TXK: variants seen among roughly 807,000 people sequenced by gnomAD.
TXK encodes the protein tyrosine-protein kinase TXK.
A neutral mutation model predicts 81.0 loss-of-function variants in TXK; 60 were observed. That is an observed-to-expected ratio of 0.74 (90% confidence interval 0.60 to 0.92). The LOEUF (loss-of-function observed/expected upper bound fraction) is 0.92. Ranked by LOEUF, TXK falls within the 40% of genes least tolerant of loss-of-function variation. The pLI, the probability that TXK is intolerant of heterozygous loss-of-function variation, is 0.00. For missense variants in TXK, 581 were observed against 638.3 expected, an observed-to-expected ratio of 0.91 and a Z score of 0.97; for synonymous variants, 203 against 210.7, an observed-to-expected ratio of 0.96 and a Z score of 0.32.
chr4:48,118,058 A>C (rs1718857198), intron 1 of TXK, among the ~76,000 whole-genome samples: 1 of 152,184 alleles, frequency 6.6e-6, no homozygotes, highest in Admixed American at 6.5e-5. Flanking sequence ...CCTTGTCACC[A>C]ATCTCCCAAT....
rs117874357 is a variant in TXK, at chr4:48,131,632, C to T, written c.16+2523G>A. ...AATTAACAGAAGCTGGAAAGGAGAACGAGATTTCATCAAATCCATGCCAGA... is the reference window on the plus strand; with the variant it reads ...AATTAACAGAAGCTGGAAAGGAGAATGAGATTTCATCAAATCCATGCCAGA... On this transcript the variant is annotated intron_variant, in intron 1 of 14. Coordinates refer to ENST00000264316, the MANE Select transcript of TXK (RefSeq NM_003328.3). Among the ~76,000 whole-genome samples, 631 of 152,260 alleles carry T rather than the reference C, an allele frequency of 4.1e-3. 11 individuals are homozygous for T. The East Asian group carries it at 0.048, about 12-fold the overall frequency.
At chr4:48,133,267 C>A (rs933410634) in intron 1 of TXK, among the ~76,000 whole-genome samples, 1 of 151,900 alleles carries the variant, frequency 6.6e-6, no homozygotes, top group Non-Finnish European at 1.5e-5. Flanking sequence ...TATAAGCATC[C>A]CCCACAGCTC....
intron 5 of TXK, among the ~76,000 whole-genome samples, chr4:48,105,547 G>A (rs73151628): frequency 0.036 from 5,422 of 152,130 alleles, 330 homozygotes; most frequent in African/African-American, 0.13. Flanking sequence ...TGGAAGTGGG[G>A]GTGAGAGTTG....
In TXK at chr4:48,113,253, G is replaced by T. The variant is rs1378866233; in HGVS notation, c.128C>A (p.Thr43Asn). 1.2e-6 allele frequency: 2 copies of T among 1,613,356 alleles called. No homozygotes were observed. Among genetic ancestry groups the T allele is most frequent in the African/African-American group, 2.7e-5 (2 of 74,870 alleles). The change falls in exon 3 of 15, where the codon ACC (threonine) becomes AAC (asparagine). Residue 43 changes from threonine (T) to asparagine (N), a missense_variant. Transcript: ENST00000264316. The stretch of plus-strand genomic sequence containing the variant: ...GCTGAGCCACGGCCTGCGACGCTGG[G>T]TGTATTTTTCTGGAAGCTCTTCATC... The part of the protein sequence containing the change: ...STDEELPEKY[T>N]QRRRPWLSQL...
At chr4:48,086,978 C>A (rs1186059707) in intron 9 of TXK, among the ~76,000 whole-genome samples, 3 of 112,530 alleles carry the variant, frequency 2.7e-5, no homozygotes. Context: ...TTTATGTTCC[C>A]AGTCTGGTTT....
At chr4:48,094,777 G>C (rs1003872) in intron 7 of TXK, among the ~76,000 whole-genome samples, 114,303 of 152,090 alleles carry the variant, frequency 0.75, 43,085 homozygotes, top group East Asian at 0.81. Flanking sequence ...GCCACGGGGC[G>C]CACAAGTTCC....
chr4:48,121,568 G>A (rs1023043744), intron 1 of TXK, among the ~76,000 whole-genome samples: 6 of 152,192 alleles, frequency 3.9e-5, no homozygotes, highest in Non-Finnish European at 8.8e-5. Context: ...ATATTTGCAT[G>A]TAACCTACAC....
chr4:48,075,658 AT>A (rs752707748), intron 12 of TXK, among the ~76,000 whole-genome samples: 5 of 152,102 alleles, frequency 3.3e-5, no homozygotes, highest in Non-Finnish European at 7.4e-5. Context: ...GAAAAAAAAA[AT>A]TGCCAGTTCT....
intron 1 of TXK, among the ~76,000 whole-genome samples, chr4:48,115,623 G>C (rs1170965074): frequency 6.6e-6 from 1 of 152,118 alleles, no homozygotes; most frequent in Non-Finnish European, 1.5e-5. Context: ...GAAGCAGGCA[G>C]ATCGCTTGAG....
chr4:48,089,798 C>A lies in TXK; in HGVS notation c.736G>T (p.Val246Phe), dbSNP rs1395672823. Residue 246 changes from valine to phenylalanine, a missense_variant, in exon 9 of 15, where the codon GTT becomes TTT. Val to Phe is a conservative substitution (Grantham distance 50). Coordinates refer to ENST00000264316, the MANE Select transcript of TXK (RefSeq NM_003328.3). ...GGTAAACAACTGCCCATCAGCCCAA[C>A]TGGATATCGGAGACGAGTCATGAGA... is the stretch of plus-strand genomic sequence containing the variant. ...AGLMTRLRYP[V>F]GLMGSCLPAT... is the part of the protein sequence containing the mutation. The A allele has an allele frequency of 2.5e-6, 4 of 1,613,604 alleles. No homozygotes were observed. Among genetic ancestry groups the A allele is most frequent in the Non-Finnish European group, 3.4e-6 (4 of 1,179,664 alleles).
intron 1 of TXK, among the ~76,000 whole-genome samples, chr4:48,133,370 T>G (rs1343605502): frequency 6.6e-6 from 1 of 152,224 alleles, no homozygotes; most frequent in Non-Finnish European, 1.5e-5. Context: ...TGGTCTTATA[T>G]TCTATAAAAA....
chr4:48,085,985 G>T (rs1250008281), intron 10 of TXK, among the ~76,000 whole-genome samples: 1 of 152,212 alleles, frequency 6.6e-6, no homozygotes, highest in Non-Finnish European at 1.5e-5. Context: ...TTCCACTGAG[G>T]TGGTTAACAC....
intron 6 of TXK, 43 bp downstream of exon 6, chr4:48,104,858 C>T: frequency 2.0e-6 from 3 of 1,490,906 alleles, no homozygotes; most frequent in Non-Finnish European, 2.8e-6. Context: ...TTTATAAGTA[C>T]TTCTCAGAGA....
intron 1 of TXK, among the ~76,000 whole-genome samples, chr4:48,119,017 GGAGT>G (rs1417219885): frequency 6.6e-6 from 1 of 152,216 alleles, no homozygotes; most frequent in African/African-American, 2.4e-5. Flanking sequence ...ACAAGGACCA[GGAGT>G]GAGAGAGAGT....
At chr4:48,101,209 A>G (rs1212073367) in intron 6 of TXK, among the ~76,000 whole-genome samples, 1 of 152,178 alleles carries the variant, frequency 6.6e-6, no homozygotes, top group Non-Finnish European at 1.5e-5. Flanking sequence ...AAATTTGAAA[A>G]TAAATTTAAA....
Position 48,080,109 on chromosome 4 carries a change from G to A in TXK, c.976C>T (p.Leu326=), listed in dbSNP as rs200336748. 2.2e-4 allele frequency: 352 copies of A among 1,612,948 alleles called. No homozygotes were observed. The highest frequency in any genetic ancestry group is 2.9e-4 in the Non-Finnish European group (340 of 1,179,106). ...ATACAGACTCCATAAAGTTGCACTA[G>A]CTTTGAATGAGATAATTTCCTGGTG... ...KVMMKLSHSK[L]VQLYGVCIQR... is the part of the protein sequence containing the mutation. The change falls in exon 11 of 15, where the codon CTA becomes TTA. Residue 326 remains leucine (L), a synonymous_variant. Coordinates refer to ENST00000264316, the MANE Select transcript of TXK (RefSeq NM_003328.3).
intron 10 of TXK, among the ~76,000 whole-genome samples, chr4:48,085,687 G>T (rs1282092090): frequency 1.3e-5 from 2 of 152,030 alleles, no homozygotes; most frequent in Non-Finnish European, 2.9e-5. Context: ...ACAGAGCAGT[G>T]CAGCAGAGAA....
intron 1 of TXK, among the ~76,000 whole-genome samples, chr4:48,116,204 A>G (rs1202849394): frequency 6.6e-6 from 1 of 152,318 alleles, no homozygotes; most frequent in Non-Finnish European, 1.5e-5. Flanking sequence ...CGTCTGTAAA[A>G]TGGGAATAAT....
At chr4:48,111,806 T>C (rs149531567) in intron 4 of TXK, among the ~76,000 whole-genome samples, 9 of 152,374 alleles carry the variant, frequency 5.9e-5, no homozygotes, top group East Asian at 1.9e-4. Flanking sequence ...TAACCATCTG[T>C]TGCAATTGGC....
Sources: allele counts gnomAD v4.1 joint callset (sites outside exome capture counted in the v4.1 genomes callset), GRCh38; gene constraint gnomAD v4.1.1; transcripts MANE v1.5; gene names NCBI Gene and HGNC (gene_info 2026-07-23, HGNC 2026-07-21).